WDR49: variants seen among roughly 807,000 people sequenced by gnomAD.
The protein encoded by WDR49 is cilia- and flagella-associated protein 337.
Under a neutral mutation model 119.5 loss-of-function variants are expected in WDR49, and 107 were observed. The observed-to-expected ratio is 0.90, with a 90% CI of 0.77 to 1.05. The LOEUF (loss-of-function observed/expected upper bound fraction) is 1.05, where lower values mean the gene tolerates loss of function less well. WDR49 is among the 50% of genes least tolerant of loss of function. The pLI, the probability that WDR49 is intolerant of heterozygous loss-of-function variation, is 0.00. For missense variants in WDR49, 1,240 were observed against 1,220.5 expected (o/e 1.02, Z -0.24); for synonymous variants, 425 against 418.8 (o/e 1.01, Z -0.18).
In WDR49 at chr3:167,560,098, C is replaced by T. The variant is rs752164602; in HGVS notation, c.1640G>A (p.Arg547Gln). ...CCCATCTGTGCTGCCAGTCAAAAGC[C>T]GAGTCTCATTTGCATCAAGGGCCAT... ...STMALDANET[R>Q]LLTGSTDGTV... Residue 547 changes from arginine (R) to glutamine (Q), a missense_variant, in exon 9 of 19, where the codon CGG becomes CAG. Transcript: ENST00000682715. The T allele has an allele frequency of 2.5e-5, 40 of 1,613,944 alleles. No homozygotes were observed. Among genetic ancestry groups the T allele is most frequent in the South Asian group, 3.3e-5 (3 of 91,078 alleles).
At chr3:167,592,020 T>C (rs1250071730) in intron 7 of WDR49, among the ~76,000 whole-genome samples, 1 of 152,162 alleles carries the variant, frequency 6.6e-6, no homozygotes, top group Non-Finnish European at 1.5e-5. Context: ...TTGTCACTGG[T>C]CATATGATTT....
chr3:167,586,261 T>G (rs1324103468), intron 7 of WDR49, among the ~76,000 whole-genome samples: 9 of 148,488 alleles, frequency 6.1e-5, no homozygotes, highest in Non-Finnish European at 1.0e-4. Context: ...CATCAGAGAG[T>G]TTGACATAGG....
intron 7 of WDR49, among the ~76,000 whole-genome samples, chr3:167,598,507 A>G (rs1433006377): frequency 6.6e-6 from 1 of 152,072 alleles, no homozygotes; most frequent in Non-Finnish European, 1.5e-5. Context: ...GTGAGTTCTC[A>G]TGAGATCTTA....
intron 16 of WDR49, among the ~76,000 whole-genome samples, chr3:167,511,403 C>T (rs1430893958): frequency 1.3e-5 from 2 of 152,134 alleles, no homozygotes; most frequent in Non-Finnish European, 2.9e-5. Context: ...CCTCTCACCC[C>T]CAGAAGTCTA....
intron 5 of WDR49, among the ~76,000 whole-genome samples, chr3:167,614,694 CTG>C (rs766188632): frequency 6.6e-6 from 1 of 152,150 alleles, no homozygotes; most frequent in African/African-American, 2.4e-5. Context: ...CTGTCTGAAA[CTG>C]AGTTTTTCCT....
chr3:167,505,696 T>C (rs1330931839), intron 16 of WDR49, among the ~76,000 whole-genome samples: 2 of 152,166 alleles, frequency 1.3e-5, no homozygotes, highest in African/African-American at 4.8e-5. Context: ...GAAAAAATTA[T>C]TTAGAAGAAA....
At chr3:167,603,854 G>A (rs1715899322) in intron 6 of WDR49, among the ~76,000 whole-genome samples, 1 of 151,980 alleles carries the variant, frequency 6.6e-6, no homozygotes, top group African/African-American at 2.4e-5. Context: ...AAAGGTAATT[G>A]AAAAACAGTC....
chr3:167,523,748 G>C (rs145353603), intron 15 of WDR49, among the ~76,000 whole-genome samples: 58 of 152,224 alleles, frequency 3.8e-4, no homozygotes, highest in African/African-American at 1.3e-3. Flanking sequence ...TGGCTGCGTA[G>C]TATTCCATGG....
At chr3:167,562,790 T>C (rs1267825633) in intron 8 of WDR49, among the ~76,000 whole-genome samples, 1 of 152,246 alleles carries the variant, frequency 6.6e-6, no homozygotes, top group African/African-American at 2.4e-5. Context: ...TACTTACTTT[T>C]ATGCTTCAAC....
intron 7 of WDR49, among the ~76,000 whole-genome samples, chr3:167,577,615 T>C (rs1714315172): frequency 1.3e-5 from 2 of 152,198 alleles, no homozygotes; most frequent in South Asian, 2.1e-4. Flanking sequence ...CTTAACATGA[T>C]GACCAGCCTG....
intron 5 of WDR49, among the ~76,000 whole-genome samples, chr3:167,607,543 G>T (rs1716121871): frequency 6.6e-6 from 1 of 152,124 alleles, no homozygotes; most frequent in Non-Finnish European, 1.5e-5. Flanking sequence ...CTAATGAGAA[G>T]ATAGCAACCT....
Position 167,536,213 on chromosome 3 carries a change from G to GA in WDR49, c.1954+656dup, listed in dbSNP as rs542896065. Among the ~76,000 whole-genome samples the GA allele has an allele frequency of 1.1e-3, 169 of 152,058 alleles. 1 individual carries two copies. The East Asian group carries it at 0.031, about 27-fold the overall frequency. On this transcript the variant is annotated intron_variant, in intron 11 of 18. Coordinates refer to ENST00000682715, the MANE Select transcript of WDR49 (RefSeq NM_001366157.1). ...TGTATTGTATACTTCAAAATAGCTAGAAAAAAGATTTTTTAATGTTCTCAT... is the reference window on the plus strand; with the variant it reads ...TGTATTGTATACTTCAAAATAGCTAGAAAAAAAGATTTTTTAATGTTCTCAT...
intron 16 of WDR49, among the ~76,000 whole-genome samples, chr3:167,518,640 T>C (rs1752310870): frequency 6.6e-6 from 1 of 151,834 alleles, no homozygotes; most frequent in Non-Finnish European, 1.5e-5. Flanking sequence ...ATTAGCCCTT[T>C]GTCAGATGAG....
At chr3:167,538,469 T>A (rs2108250293) in intron 10 of WDR49, among the ~76,000 whole-genome samples, 1 of 152,270 alleles carries the variant, frequency 6.6e-6, no homozygotes, top group Non-Finnish European at 1.5e-5. Flanking sequence ...AGTTTCCTAG[T>A]TCTGTGCTAA....
At chr3:167,596,182 AC>A (rs1404559142) in intron 7 of WDR49, among the ~76,000 whole-genome samples, 1 of 152,006 alleles carries the variant, frequency 6.6e-6, no homozygotes, top group Non-Finnish European at 1.5e-5. Context: ...ACCATCTCAC[AC>A]CAGTTAGAAT....
intron 17 of WDR49, 145 bp from the exon 18 acceptor site, chr3:167,500,444 C>T (rs1231650687): frequency 1.1e-6 from 1 of 893,250 alleles, no homozygotes. Context: ...CAGTGATCTG[C>T]AAACCCTACA....
intron 7 of WDR49, among the ~76,000 whole-genome samples, chr3:167,583,753 T>G (rs1357723980): frequency 1.3e-5 from 2 of 152,144 alleles, no homozygotes; most frequent in East Asian, 3.8e-4. Flanking sequence ...ACTGGACAAC[T>G]GAGATGCAGA....
intron 14 of WDR49, among the ~76,000 whole-genome samples, chr3:167,528,846 G>T (rs943344310): frequency 2.0e-5 from 3 of 152,040 alleles, no homozygotes; most frequent in Non-Finnish European, 4.4e-5. Flanking sequence ...TTAACAGAAG[G>T]TTGTCAATAT....
At chr3:167,627,697 T>C (rs978092116) in intron 2 of WDR49, among the ~76,000 whole-genome samples, 11 of 152,060 alleles carry the variant, frequency 7.2e-5, no homozygotes, top group African/African-American at 2.7e-4. Flanking sequence ...ATTTTATCCC[T>C]GTAAAACCCA....
Sources: gnomAD v4.1 joint callset for allele counts (sites outside exome capture counted in the v4.1 genomes callset) on GRCh38, gnomAD v4.1.1 for gene constraint, MANE v1.5 for transcripts, NCBI Gene and HGNC (gene_info 2026-07-23, HGNC 2026-07-21) for gene names.